The following GLI2 variants were observed in gnomAD, a reference collection of about 807,000 sequenced individuals.
The protein encoded by GLI2 is GLI family zinc finger 2, also known as transcription activator GLI2.
In GLI2, 22 loss-of-function variants were observed where a neutral mutation model predicts 78.9. The ratio of observed to expected loss-of-function variants is 0.28; its 90% CI spans 0.20 to 0.40. GLI2 has a LOEUF of 0.40. Among genes scored for constraint, GLI2 ranks in the 10% least tolerant of loss-of-function variants. The pLI, the probability that GLI2 is intolerant of heterozygous loss-of-function variation, is 1.00. For missense variants in GLI2, 2,097 were observed against 2,213.2 expected, an observed-to-expected ratio of 0.95 and a Z score of 1.05; for synonymous variants, 974 against 963.7, an observed-to-expected ratio of 1.01 and a Z score of -0.20.
intron 2 of GLI2, among the ~76,000 whole-genome samples, chr2:120,797,741 G>A (rs1362813031): frequency 8.6e-5 from 13 of 152,042 alleles, no homozygotes; most frequent in Admixed American, 8.5e-4. Flanking sequence ...AGGGAGGAGG[G>A]GAGAGAGGGA....
rs186895730 is a variant in GLI2, at chr2:120,819,504, T to C, written c.148+22036T>C. ...ATCTGCCCGCCTCAGCCTCCTAAAG[T>C]GCTGGGATTGCAGGCGTGAGTCACT... On this transcript the variant is annotated intron_variant, in intron 2 of 13. Coordinates refer to ENST00000361492, the MANE Select transcript of GLI2 (RefSeq NM_001374353.1). 7.4e-3 allele frequency among the ~76,000 whole-genome samples: 1,126 copies of C among 152,300 alleles called. 6 individuals are homozygous for C. Among genetic ancestry groups the C allele is most frequent in the Non-Finnish European group, 0.013 (882 of 68,024 alleles).
chr2:120,804,794 G>A (rs1178387802), intron 2 of GLI2, among the ~76,000 whole-genome samples: 1 of 152,242 alleles, frequency 6.6e-6, no homozygotes, highest in Non-Finnish European at 1.5e-5. Flanking sequence ...ATGTTTTTCA[G>A]ATGGTTCAGG....
intron 5 of GLI2, among the ~76,000 whole-genome samples, chr2:120,957,606 G>A (rs889044589): frequency 3.3e-5 from 5 of 152,222 alleles, no homozygotes; most frequent in Non-Finnish European, 5.9e-5. Context: ...GAAAGTGGAC[G>A]AGGCAGAGAA....
chr2:120,915,809 C>T (rs1049224493), intron 2 of GLI2, among the ~76,000 whole-genome samples: 2 of 152,192 alleles, frequency 1.3e-5, no homozygotes, highest in Non-Finnish European at 2.9e-5. Context: ...GCACAGACCC[C>T]TGGATGCCTT....
chr2:120,969,523 T>C (rs1227067557), intron 6 of GLI2, among the ~76,000 whole-genome samples: 4 of 152,226 alleles, frequency 2.6e-5, no homozygotes, highest in African/African-American at 9.6e-5. Flanking sequence ...AACAAGTGTA[T>C]TTGTTATCTT....
At chr2:120,889,080 G>A (rs970327170) in intron 2 of GLI2, among the ~76,000 whole-genome samples, 2 of 152,172 alleles carry the variant, frequency 1.3e-5, no homozygotes, top group African/African-American at 2.4e-5. Flanking sequence ...GCAGGACCGC[G>A]GAGAAACAGA....
At chr2:120,872,932 A>ACGATGTG in intron 2 of GLI2, among the ~76,000 whole-genome samples, 1 of 152,234 alleles carries the variant, frequency 6.6e-6, no homozygotes, top group Non-Finnish European at 1.5e-5. Context: ...AATAGTAATA[A>ACGATGTG]ATGTGAGTGA....
rs1377941611 is a variant in GLI2, at chr2:120,776,539, G to A, written c.-30-20752G>A. Among the ~76,000 whole-genome samples the A allele has an allele frequency of 1.3e-5, 2 of 152,182 alleles. 1 individual carries two copies. The highest frequency in any genetic ancestry group is 1.3e-4 in the Admixed American group (2 of 15,290). ...TTGCCCTAGACACATTTGCCTGGGC[G>A]GTGGAGTGGGGTCTGATTGGTTGGG... On this transcript the variant is annotated intron_variant, in intron 1 of 13. Transcript: ENST00000361492.
chr2:120,989,088 C>T lies in GLI2; in HGVS notation c.3123C>T (p.Asp1041=), dbSNP rs773098021. 133 of 1,612,070 alleles carry T rather than the reference C, an allele frequency of 8.3e-5. No homozygotes were observed. The East Asian group carries it at 2.9e-3, about 35-fold the overall frequency. ...GPEADLGLPE[D]DLVLPDDVVQ... ...AGGCCGACCTGGGGCTGCCGGAGGA[C>T]GACCTGGTGCTTCCAGACGACGTGG... is the stretch of plus-strand genomic sequence containing the variant. The change falls in exon 14 of 14, where the codon GAC becomes GAT. Residue 1041 remains aspartate (D), a synonymous_variant. Transcript: ENST00000361492.
intron 1 of GLI2, among the ~76,000 whole-genome samples, chr2:120,775,707 C>T (rs1683656828): frequency 6.6e-6 from 1 of 152,158 alleles, no homozygotes; most frequent in African/African-American, 2.4e-5. Flanking sequence ...CTAGAGAGAG[C>T]CTGGGGTCTG....
intron 2 of GLI2, among the ~76,000 whole-genome samples, chr2:120,911,331 A>C (rs1405924089): frequency 1.3e-5 from 2 of 152,226 alleles, no homozygotes; most frequent in African/African-American, 4.8e-5. Flanking sequence ...AATTGCTATG[A>C]GGATGAAATG....
At chr2:120,979,397 A>G (rs1285549947) in intron 10 of GLI2, among the ~76,000 whole-genome samples, 1 of 152,166 alleles carries the variant, frequency 6.6e-6, no homozygotes, top group Non-Finnish European at 1.5e-5. Context: ...TGCCCCACAA[A>G]TGCACACGTG....
At chr2:120,852,164 C>T (rs1032782732) in intron 2 of GLI2, among the ~76,000 whole-genome samples, 1 of 152,192 alleles carries the variant, frequency 6.6e-6, no homozygotes, top group African/African-American at 2.4e-5. Context: ...AGATGGCATT[C>T]GCCTGTGTGG....
chr2:120,817,968 C>T (rs1014490177), intron 2 of GLI2, among the ~76,000 whole-genome samples: 1 of 152,178 alleles, frequency 6.6e-6, no homozygotes, highest in Non-Finnish European at 1.5e-5. Context: ...CACATGAGGC[C>T]CAGAAGGGTC....
At position 120,971,880 on chromosome 2, in the gene GLI2, A is replaced by T; in HGVS notation, c.1060-61A>T. The stretch of plus-strand genomic sequence containing the variant: ...GAGATCCTAGAGTTAAAGTCCAAAA[A>T]AATTTGGGATATCCCTGCCCTGCCC... On this transcript the variant is annotated intron_variant, in intron 7 of 13. Coordinates refer to ENST00000361492, the MANE Select transcript of GLI2 (RefSeq NM_001374353.1). The T allele has an allele frequency of 1.9e-6, 3 of 1,543,372 alleles. 1 individual carries two copies. The highest frequency in any genetic ancestry group is 2.7e-6 in the Non-Finnish European group (3 of 1,115,908).
intron 2 of GLI2, among the ~76,000 whole-genome samples, chr2:120,806,893 C>T (rs1684982555): frequency 6.6e-6 from 1 of 152,188 alleles, no homozygotes. Context: ...GGCCCTGTCC[C>T]CAAAAGCTTG....
intron 2 of GLI2, among the ~76,000 whole-genome samples, chr2:120,819,711 T>C (rs1685673433): frequency 6.6e-6 from 1 of 152,138 alleles, no homozygotes; most frequent in Non-Finnish European, 1.5e-5. Flanking sequence ...CTTGCAGGCA[T>C]TTACCAGTTA....
Position 120,800,220 on chromosome 2 carries a change from G to A in GLI2, c.148+2752G>A, listed in dbSNP as rs1190341357. On this transcript the variant is annotated intron_variant, in intron 2 of 13. Transcript: ENST00000361492. This position sits in a 1 kb window ranked among gnomAD's most constrained non-coding sequence, Gnocchi z 4.1. ...GCACCCCGGGTGGATGCAAGGGTGT[G>A]GGGAGCTGAGAATTTTTGTTGAGGG... Among the ~76,000 whole-genome samples the A allele has an allele frequency of 6.6e-6, 1 of 152,146 alleles. No individual in the cohort carries two copies. The highest frequency in any genetic ancestry group is 1.5e-5 in the Non-Finnish European group (1 of 68,028).
intron 2 of GLI2, among the ~76,000 whole-genome samples, chr2:120,859,598 G>A (rs1284888647): frequency 2.0e-5 from 3 of 151,824 alleles, no homozygotes; most frequent in Non-Finnish European, 4.4e-5. Flanking sequence ...GGGACTACAG[G>A]AGCACACCAC....
Sources: allele counts gnomAD v4.1 joint callset (sites outside exome capture counted in the v4.1 genomes callset), GRCh38; gene constraint gnomAD v4.1.1; non-coding constraint Gnocchi (gnomAD v3.1); transcripts MANE v1.5; gene names NCBI Gene and HGNC (gene_info 2026-07-23, HGNC 2026-07-21).